The following CSTF2 variants were observed in gnomAD, a reference collection of about 807,000 sequenced individuals.
The protein encoded by CSTF2 is CF-1 64 kDa subunit.
A neutral mutation model predicts 45.4 loss-of-function variants in CSTF2; 8 were observed. The observed-to-expected ratio is 0.18, with a 90% CI of 0.10 to 0.32. The LOEUF (loss-of-function observed/expected upper bound fraction) is 0.32, where lower values mean the gene tolerates loss of function less well. Ranked by LOEUF, CSTF2 falls within the 10% of genes least tolerant of loss-of-function variation. The pLI is 1.00. For missense variants in CSTF2, 253 were observed against 477.1 expected, an observed-to-expected ratio of 0.53 and a Z score of 4.38; for synonymous variants, 155 against 158.9, an observed-to-expected ratio of 0.98 and a Z score of 0.18.
At chrX:100,820,673 A>G (rs760864483) in intron 1 of CSTF2, 199 bp downstream of exon 1, 2 of 519,844 alleles carry the variant, frequency 3.8e-6, no homozygotes, top group South Asian at 5.0e-5. Flanking sequence ...CCGCAATATC[A>G]GTGGGGAAGT....
intron 7 of CSTF2, among the ~76,000 whole-genome samples, chrX:100,827,411 T>C (rs1474439399): frequency 8.9e-6 from 1 of 112,347 alleles, no homozygotes; most frequent in Non-Finnish European, 1.9e-5. Flanking sequence ...AGTGAAATAA[T>C]GATTCCCCAT....
At chrX:100,832,314 T>C (rs2084980422) in intron 9 of CSTF2, among the ~76,000 whole-genome samples, 1 of 112,390 alleles carries the variant, frequency 8.9e-6, no homozygotes, top group African/African-American at 3.2e-5. Flanking sequence ...ACTTAGATCA[T>C]CTTATTAAAT....
chrX:100,837,195 A>G, intron 11 of CSTF2, 144 bp from the exon 12 acceptor site: 1 of 391,362 alleles, frequency 2.6e-6, no homozygotes. Flanking sequence ...TATTGCTAAC[A>G]GTAGAAAATG....
intron 13 of CSTF2, among the ~76,000 whole-genome samples, chrX:100,839,878 A>G (rs1425292245): frequency 8.9e-6 from 1 of 112,209 alleles, no homozygotes; most frequent in Non-Finnish European, 1.9e-5. Context: ...TTCTTTCATT[A>G]TAGTTTTGCT....
intron 11 of CSTF2, among the ~76,000 whole-genome samples, chrX:100,833,911 C>A (rs143948536): frequency 2.3e-4 from 26 of 112,122 alleles, no homozygotes; most frequent in African/African-American, 8.1e-4. Context: ...CTGGGAACCA[C>A]TGGGTTAGAG....
chrX:100,832,989 A>G, intron 10 of CSTF2, 80 bp downstream of exon 10: 7 of 1,055,767 alleles, frequency 6.6e-6, no homozygotes, highest in Non-Finnish European at 8.8e-6. Flanking sequence ...ATGCTGGAAC[A>G]GTAGGTTTGC....
chrX:100,822,870 A>G (rs2084926582), intron 3 of CSTF2: 1 of 136,277 alleles, frequency 7.3e-6, no homozygotes, highest in African/African-American at 3.3e-5. Context: ...AAGAATTTCC[A>G]TTGCTAAGGA....
chrX:100,822,578 T>C, intron 3 of CSTF2, 158 bp downstream of exon 3: 1 of 495,109 alleles, frequency 2.0e-6, no homozygotes, highest in Non-Finnish European at 3.3e-6. Context: ...GCAAGTATTA[T>C]ATATATCTTT....
In CSTF2 at chrX:100,841,433, TATC is replaced by T. The variant is rs1352973382; in HGVS notation, c.*725_*727del. On this transcript the variant is annotated 3_prime_UTR_variant, in exon 14 of 14. Transcript: ENST00000372972. ...ACATTTACTTGTGTGTTCTTAAACTTATCAGTCTAGGCAGTCAACTTTGAAAGT... is the reference window on the plus strand; with the variant it reads ...ACATTTACTTGTGTGTTCTTAAACTTAGTCTAGGCAGTCAACTTTGAAAGT... Among the ~76,000 whole-genome samples, 1 of 112,583 alleles carries T rather than the reference TATC, an allele frequency of 8.9e-6. No individual in the cohort carries two copies. The highest frequency in any genetic ancestry group is 1.9e-5 in the Non-Finnish European group (1 of 53,330).
intron 8 of CSTF2, 146 bp from the exon 9 acceptor site, chrX:100,831,369 G>A: frequency 4.5e-6 from 3 of 663,766 alleles, no homozygotes; most frequent in Non-Finnish European, 7.2e-6. Context: ...CCCTGCTTCT[G>A]TTCTTGAGCT....
At chrX:100,820,986 A>T (rs890130711) in intron 1 of CSTF2, among the ~76,000 whole-genome samples, 3 of 112,758 alleles carry the variant, frequency 2.7e-5, no homozygotes, top group Admixed American at 1.9e-4. Flanking sequence ...TCCTCAGAGG[A>T]ATTTTAAAAA....
At chrX:100,820,940 G>C (rs1232085157) in intron 1 of CSTF2, among the ~76,000 whole-genome samples, 1 of 112,328 alleles carries the variant, frequency 8.9e-6, no homozygotes, top group East Asian at 2.8e-4. Flanking sequence ...TCCTGAGATG[G>C]CTTGTAAGTG....
chrX:100,826,816 G>A (rs2084947982), intron 7 of CSTF2, 59 bp downstream of exon 7: 1 of 1,117,556 alleles, frequency 8.9e-7, no homozygotes, highest in African/African-American at 1.8e-5. Context: ...CATAGCCACT[G>A]TTGCAGTGCA....
At chrX:100,822,087 C>T (rs1248340952) in intron 2 of CSTF2, among the ~76,000 whole-genome samples, 164 bp from the exon 3 acceptor site, 1 of 102,331 alleles carries the variant, frequency 9.8e-6, no homozygotes, top group Non-Finnish European at 1.9e-5. Context: ...AGCAAGACTC[C>T]ATCTCAGGAA....
chrX:100,820,510 G>T, intron 1 of CSTF2, 36 bp downstream of exon 1: 1 of 1,160,079 alleles, frequency 8.6e-7, no homozygotes, highest in Non-Finnish European at 1.2e-6. Flanking sequence ...CTTCGGGGAG[G>T]GACTCCCCTC....
In CSTF2 at chrX:100,837,413, C is replaced by T. The variant is rs367739276; in HGVS notation, c.1575C>T (p.Pro525=). ...QGGSQPGGFS[P]GQNQVTPQDH... is the part of the protein sequence containing the mutation. ...GAAGCCAGCCTGGCGGCTTTAGTCC[C>T]GGGCAGAACCAAGTCACTCCACAGG... Residue 525 remains proline (P), a synonymous_variant, in exon 12 of 14, where the codon CCC becomes CCT. Coordinates refer to ENST00000372972, the MANE Select transcript of CSTF2 (RefSeq NM_001325.3). 5.8e-6 allele frequency: 7 copies of T among 1,206,741 alleles called. No homozygotes were observed. Among genetic ancestry groups the T allele is most frequent in the Admixed American group, 4.4e-5 (2 of 45,672 alleles).
At chrX:100,825,403 C>T (rs1013657607) in intron 6 of CSTF2, among the ~76,000 whole-genome samples, 1 of 110,120 alleles carries the variant, frequency 9.1e-6, no homozygotes, top group African/African-American at 3.3e-5. Flanking sequence ...AAATATTTCA[C>T]AAAAGGAGAA....
chrX:100,832,745 G>A lies in CSTF2; in HGVS notation c.1043G>A (p.Gly348Glu), dbSNP rs1794251658. 2 of 1,201,434 alleles carry A rather than the reference G, an allele frequency of 1.7e-6. No homozygotes were observed. The highest frequency in any genetic ancestry group is 2.2e-6 in the Non-Finnish European group (2 of 891,205). The part of the protein sequence containing the change: ...TGEVEPRGYL[G>E]PPHQGPPMHH... ...TTCTCCATCTCCAGAGGTTACTTGG[G>A]ACCACCTCATCAGGGTCCACCCATG... is the stretch of plus-strand genomic sequence containing the variant. Residue 348 changes from glycine to glutamate, a missense_variant, in exon 10 of 14, where the codon GGA (glycine) becomes GAA (glutamate). Gly to Glu is a moderately conservative substitution (Grantham distance 98, BLOSUM62 -2). Transcript: ENST00000372972.
intron 3 of CSTF2, chrX:100,822,841 C>CAAAAA (rs35086838): frequency 5.1e-5 from 3 of 58,949 alleles, no homozygotes; most frequent in Admixed American, 2.1e-4. Flanking sequence ...GACTCTGTCT[C>CAAAAA]AAAAAAAAAA....
Sources: gnomAD v4.1 joint callset for allele counts (sites outside exome capture counted in the v4.1 genomes callset) on GRCh38, gnomAD v4.1.1 for gene constraint, MANE v1.5 for transcripts, NCBI Gene and HGNC (gene_info 2026-07-23, HGNC 2026-07-21) for gene names.